Variants in ARL14EPL observed in about 807,000 individuals in gnomAD.
ARL14EPL encodes the protein ARL14 effector protein-like.
In ARL14EPL, 17 loss-of-function variants were observed where a neutral mutation model predicts 15.9. The observed-to-expected ratio is 1.07, with a 90% CI of 0.73 to 1.60. ARL14EPL has a LOEUF of 1.60. Ranked by LOEUF, ARL14EPL falls within the 40% of genes most tolerant of loss-of-function variation. ARL14EPL has a pLI of 0.00. For synonymous variants in ARL14EPL, 78 were observed against 63.8 expected (o/e 1.22, Z -1.06); for missense variants, 214 against 185.9 (o/e 1.15, Z -0.88).
intron 2 of ARL14EPL, among the ~76,000 whole-genome samples, 180 bp from the exon 3 acceptor site, chr5:116,053,834 A>G (rs1280844306): frequency 4.6e-5 from 7 of 152,204 alleles, no homozygotes; most frequent in Admixed American, 4.6e-4. Flanking sequence ...GAATGGCCCA[A>G]CTTGAGAAAA....
intron 1 of ARL14EPL, among the ~76,000 whole-genome samples, chr5:116,038,932 T>C (rs1749097524): frequency 6.6e-6 from 1 of 152,148 alleles, no homozygotes; most frequent in East Asian, 1.9e-4. Flanking sequence ...ACTTTGTAAT[T>C]ACAAGCCCCA....
In ARL14EPL at chr5:116,054,102, A is replaced by G. The variant is rs1561580855; in HGVS notation, c.185A>G (p.Lys62Arg). ...TTTAATCCTGAAACAAGGCAGCAGA[A>G]AAAGAAAGCCCGGATGTCAAAGATG... is the stretch of plus-strand genomic sequence containing the variant. ...ADFNPETRQQ[K>R]KKARMSKMNE... Residue 62 changes from lysine to arginine, a missense_variant, in exon 3 of 4, where the codon AAA (lysine) becomes AGA (arginine). By Grantham distance (26) the Lys-to-Arg change is conservative. Coordinates refer to ENST00000686077, the MANE Select transcript of ARL14EPL (RefSeq NM_001195581.2). The G allele has an allele frequency of 6.5e-7, 1 of 1,535,846 alleles. No individual in the cohort carries two copies.
At chr5:116,038,588 GAC>G (rs1749091491) in intron 1 of ARL14EPL, among the ~76,000 whole-genome samples, 1 of 151,626 alleles carries the variant, frequency 6.6e-6, no homozygotes, top group South Asian at 2.1e-4. Flanking sequence ...GGAGGAAAGT[GAC>G]ACAATGCAGA....
intron 1 of ARL14EPL, among the ~76,000 whole-genome samples, chr5:116,041,936 C>T (rs1156682602): frequency 1.3e-5 from 2 of 152,164 alleles, no homozygotes; most frequent in Non-Finnish European, 2.9e-5. Context: ...TCAAGCAATC[C>T]TCCTGCCTTG....
chr5:116,043,837 G>A (rs897205574), intron 1 of ARL14EPL, among the ~76,000 whole-genome samples: 4 of 151,936 alleles, frequency 2.6e-5, no homozygotes, highest in Admixed American at 6.6e-5. Context: ...CTTTGCCTTC[G>A]GCCCTTGATG....
chr5:116,042,140 T>C (rs1255498563), intron 1 of ARL14EPL, among the ~76,000 whole-genome samples: 5 of 152,176 alleles, frequency 3.3e-5, no homozygotes. Context: ...CAGGAGTCTT[T>C]CTTGACATCT....
At chr5:116,036,809 A>G (rs1211771099) in intron 1 of ARL14EPL, among the ~76,000 whole-genome samples, 1 of 152,218 alleles carries the variant, frequency 6.6e-6, no homozygotes, top group Non-Finnish European at 1.5e-5. Context: ...TGTTTAAAAT[A>G]CCAGAAATTT....
rs1178566013 is a variant in ARL14EPL at position 116,040,806 on chromosome 5, TA to T, written c.-10+8306del. Among the ~76,000 whole-genome samples the T allele has an allele frequency of 2.0e-3, 238 of 118,198 alleles. 1 individual carries two copies. Among genetic ancestry groups the T allele is most frequent in the African/African-American group, 7.0e-3 (207 of 29,752 alleles). The allele number at this position is 118,198 out of a possible 152,430, so 77.5% of individuals were successfully genotyped here. ...TAACACGGTGAAACCCCGTCTCTAC[TA>T]AAAATACAAAAAAAAAAAAAAAAAT... is the stretch of plus-strand genomic sequence containing the variant. On this transcript the variant is annotated intron_variant, in intron 1 of 3. Transcript: ENST00000686077.
intron 1 of ARL14EPL, among the ~76,000 whole-genome samples, chr5:116,037,172 C>G (rs898467906): frequency 1.3e-5 from 2 of 152,142 alleles, no homozygotes; most frequent in African/African-American, 2.4e-5. Context: ...GCTCTTGCCT[C>G]CCATCCCATC....
At chr5:116,051,018 T>G (rs917170444) in intron 1 of ARL14EPL, 1 of 152,430 alleles carries the variant, frequency 6.6e-6, no homozygotes. Flanking sequence ...CTTTGGGGAG[T>G]CACTGTGGGA....
chr5:116,048,442 G>A (rs937760164), intron 1 of ARL14EPL, among the ~76,000 whole-genome samples: 1 of 152,058 alleles, frequency 6.6e-6, no homozygotes. Context: ...GATCCCTTTG[G>A]CAGACAGTGA....
intron 1 of ARL14EPL, among the ~76,000 whole-genome samples, chr5:116,039,958 G>A (rs923387569): frequency 6.6e-6 from 1 of 152,112 alleles, no homozygotes; most frequent in African/African-American, 2.4e-5. Flanking sequence ...ATAATAATGT[G>A]TATTGATCTT....
Position 116,058,708 on chromosome 5 carries a change from A to G in ARL14EPL, c.237-17A>G, listed in dbSNP as rs1343792621. The G allele has an allele frequency of 2.0e-6, 3 of 1,532,300 alleles. No homozygotes were observed. The highest frequency in any genetic ancestry group is 2.4e-5 in the East Asian group (1 of 40,898). The allele number at this position is 1,532,300 out of a possible 1,614,324, so 94.9% of individuals were successfully genotyped here. A position where few individuals can be genotyped will look rare whatever the true frequency, so the allele number is the denominator to read the frequency against. On this transcript the variant is annotated splice_polypyrimidine_tract_variant and intron_variant, in intron 3 of 3. Transcript: ENST00000686077. The stretch of plus-strand genomic sequence containing the variant: ...ATGATTGCACTGTCATCTTAATGTC[A>G]TGCTTTTCCTTTGTAGAATAATGAG...
intron 1 of ARL14EPL, among the ~76,000 whole-genome samples, chr5:116,035,671 G>C (rs1049190036): frequency 6.6e-6 from 1 of 152,206 alleles, no homozygotes; most frequent in Non-Finnish European, 1.5e-5. Context: ...CAGAATCTCA[G>C]AGATAGGGCT....
chr5:116,042,449 T>C (rs1474294958), intron 1 of ARL14EPL, among the ~76,000 whole-genome samples: 5 of 152,166 alleles, frequency 3.3e-5, no homozygotes, highest in Admixed American at 3.3e-4. Flanking sequence ...ATCAGTGCCA[T>C]CCACTTCTGG....
chr5:116,040,498 G>A (rs988355120), intron 1 of ARL14EPL, among the ~76,000 whole-genome samples: 13 of 151,624 alleles, frequency 8.6e-5, no homozygotes, highest in African/African-American at 3.1e-4. Flanking sequence ...GATACAGCAA[G>A]AACAAAATGT....
intron 1 of ARL14EPL, among the ~76,000 whole-genome samples, chr5:116,039,067 T>C (rs554113219): frequency 6.6e-6 from 1 of 152,270 alleles, no homozygotes; most frequent in Admixed American, 6.5e-5. Flanking sequence ...TGGGTGGCAG[T>C]CAGCTCTGCA....
chr5:116,042,477 C>T (rs1749179625), intron 1 of ARL14EPL, among the ~76,000 whole-genome samples: 1 of 152,154 alleles, frequency 6.6e-6, no homozygotes, highest in Admixed American at 6.5e-5. Flanking sequence ...TGATGACTCC[C>T]ACTAGAAAGT....
intron 3 of ARL14EPL, 38 bp downstream of exon 3, chr5:116,054,191 A>G (rs1251572677): frequency 6.7e-7 from 1 of 1,495,862 alleles, no homozygotes; most frequent in South Asian, 1.3e-5. Flanking sequence ...CTGTGGGATT[A>G]TGAAATGCAT....
Sources: allele counts gnomAD v4.1 joint callset (sites outside exome capture counted in the v4.1 genomes callset), GRCh38; gene constraint gnomAD v4.1.1; transcripts MANE v1.5; gene names NCBI Gene and HGNC (gene_info 2026-07-23, HGNC 2026-07-21).